The following PRPF4 variants were observed in gnomAD, a reference collection of about 807,000 sequenced individuals.
The protein encoded by PRPF4 is pre-mRNA splicing tri-snRNP complex factor PRPF4, also known as U4/U6 small nuclear ribonucleoprotein Prp4.
Under a neutral mutation model 72.2 loss-of-function variants are expected in PRPF4, and 14 were observed. The ratio of observed to expected loss-of-function variants is 0.19; its 90% CI spans 0.13 to 0.30. The LOEUF (loss-of-function observed/expected upper bound fraction) is 0.30, where lower values mean the gene tolerates loss of function less well. Ranked by LOEUF, PRPF4 falls within the 10% of genes least tolerant of loss-of-function variation. The pLI, the probability that PRPF4 is intolerant of heterozygous loss-of-function variation, is 1.00. For synonymous variants in PRPF4, 225 were observed against 232.2 expected, an observed-to-expected ratio of 0.97 and a Z score of 0.28; for missense variants, 478 against 653.9, an observed-to-expected ratio of 0.73 and a Z score of 2.93.
intron 4 of PRPF4, 43 bp from the exon 5 acceptor site, chr9:113,283,089 A>G (rs781381540): frequency 6.2e-7 from 1 of 1,613,898 alleles, no homozygotes; most frequent in South Asian, 1.1e-5. Context: ...AGAGGAGTAG[A>G]ATGCTTCAGA....
chr9:113,277,403 T>TGC (rs1212929888), intron 2 of PRPF4, among the ~76,000 whole-genome samples: 1 of 152,000 alleles, frequency 6.6e-6, no homozygotes, highest in Admixed American at 6.5e-5. Context: ...TGTGTGTGTG[T>TGC]GTGACAGGGT....
chr9:113,281,155 G>A (rs941328693), intron 3 of PRPF4, among the ~76,000 whole-genome samples: 6 of 152,080 alleles, frequency 3.9e-5, no homozygotes, highest in African/African-American at 9.7e-5. Context: ...TACCGCGCCC[G>A]GCCTTTCTTC....
chr9:113,283,993 G>C (rs183072932), intron 6 of PRPF4, among the ~76,000 whole-genome samples: 1 of 151,358 alleles, frequency 6.6e-6, no homozygotes, highest in Non-Finnish European at 1.5e-5. Context: ...GCTTGAACCC[G>C]GGAGGCGGAG....
At chr9:113,290,044 G>A (rs6478000) in intron 10 of PRPF4, among the ~76,000 whole-genome samples, 55,580 of 151,826 alleles carry the variant, frequency 0.37, 10,522 homozygotes, top group South Asian at 0.53. Context: ...ACATAGTGAA[G>A]CCCCATCTCT....
At position 113,286,717 on chromosome 9, in the gene PRPF4, A is replaced by G. The variant is rs1488196177; in HGVS notation, c.821A>G (p.Asn274Ser). The G allele has an allele frequency of 1.9e-6, 3 of 1,614,208 alleles. No individual in the cohort carries two copies. The highest frequency in any genetic ancestry group is 3.3e-5 in the Admixed American group (2 of 60,028). ...LLHTLRGHNT[N>S]VGAIVFHPKS... is the part of the protein sequence containing the mutation. Reference sequence around the variant, plus strand: ...TACACTCCTTTAGGGCATAACACAAATGTAGGAGCAATTGTATTCCATCCC... The same window carrying G: ...TACACTCCTTTAGGGCATAACACAAGTGTAGGAGCAATTGTATTCCATCCC... Residue 274 changes from asparagine to serine, a missense_variant, in exon 9 of 14, where the codon AAT becomes AGT. Physicochemically the swap from Asn to Ser is conservative, Grantham distance 46. Transcript: ENST00000374198.
intron 3 of PRPF4, 37 bp from the exon 4 acceptor site, chr9:113,282,609 A>G (rs552548910): frequency 1.4e-6 from 2 of 1,453,548 alleles, no homozygotes; most frequent in East Asian, 2.3e-5. Context: ...TATCTCAACC[A>G]TGTTTAAATT....
intron 6 of PRPF4, among the ~76,000 whole-genome samples, chr9:113,284,004 G>A (rs1272851886): frequency 6.7e-6 from 1 of 149,472 alleles, no homozygotes; most frequent in African/African-American, 2.5e-5. Flanking sequence ...GGAGGCGGAG[G>A]TTGCAGTGAG....
chr9:113,288,046 T>C (rs1200152165), intron 9 of PRPF4, 129 bp from the exon 10 acceptor site: 2 of 761,552 alleles, frequency 2.6e-6, no homozygotes, highest in Non-Finnish European at 4.2e-6. Context: ...TGGGCCAAAG[T>C]AGTTTACAAG....
At chr9:113,290,405 T>G in intron 10 of PRPF4, 61 bp from the exon 11 acceptor site, 1 of 1,608,734 alleles carries the variant, frequency 6.2e-7, no homozygotes. Context: ...TAGAATACTT[T>G]ATGTGTTGTA....
rs200951924 is a variant in PRPF4 at position 113,275,761 on chromosome 9, C to G, written c.18C>G (p.Ala6=). The G allele has an allele frequency of 2.7e-5, 44 of 1,612,696 alleles. No individual in the cohort carries two copies. The highest frequency in any genetic ancestry group is 1.7e-5 in the Admixed American group (1 of 59,924). The change falls in exon 1 of 14, where the codon GCC becomes GCG. Residue 6 remains alanine, a synonymous_variant. Transcript: ENST00000374198. MASSR[A]SSTATKTKAP... is the part of the protein sequence containing the mutation. ...AGCCCAGCATGGCTTCCTCGCGAGC[C>G]TCTTCCACGGTACAGAGCCCGGGAT...
chr9:113,278,715 A>G (rs1832187786), intron 2 of PRPF4, among the ~76,000 whole-genome samples: 1 of 152,260 alleles, frequency 6.6e-6, no homozygotes, highest in Admixed American at 6.5e-5. Context: ...TATAGGCACA[A>G]AGTTAATAAA....
At chr9:113,282,515 G>C in intron 3 of PRPF4, 131 bp from the exon 4 acceptor site, 1 of 660,076 alleles carries the variant, frequency 1.5e-6, no homozygotes, top group Non-Finnish European at 2.5e-6. Flanking sequence ...AACAGTGAGA[G>C]AATAGTAAAG....
In PRPF4 at chr9:113,275,722, C is replaced by T. The variant is rs1239346860; in HGVS notation, c.-22C>T. 2 of 1,608,648 alleles carry T rather than the reference C, an allele frequency of 1.2e-6. No individual in the cohort carries two copies. Among genetic ancestry groups the T allele is most frequent in the African/African-American group, 1.3e-5 (1 of 74,526 alleles). On this transcript the variant is annotated 5_prime_UTR_variant, in exon 1 of 14. Coordinates refer to ENST00000374198, the MANE Select transcript of PRPF4 (RefSeq NM_001244926.2). ...AGGGAGTGTTCGGGTTTCGCTGGGG[C>T]CTCGCGGCTCCAGAGCCCAGCATGG...
At chr9:113,288,318 C>T (rs1832510154) in intron 10 of PRPF4, 54 bp downstream of exon 10, 12 of 1,516,826 alleles carry the variant, frequency 7.9e-6, no homozygotes, top group Non-Finnish European at 1.1e-5. Flanking sequence ...TCTTCTTAAC[C>T]CTTTATGGCT....
intron 2 of PRPF4, among the ~76,000 whole-genome samples, chr9:113,277,786 G>A (rs998773237): frequency 2.0e-5 from 3 of 152,150 alleles, no homozygotes; most frequent in Admixed American, 6.5e-5. Flanking sequence ...AGTCTGGCTT[G>A]AGCCCAGGAA....
At chr9:113,278,911 G>A (rs533022697) in intron 2 of PRPF4, 34 bp from the exon 3 acceptor site, 1 of 1,601,932 alleles carries the variant, frequency 6.2e-7, no homozygotes, top group African/African-American at 1.3e-5. Context: ...ATTTGAAGAA[G>A]ATCTGCTGAT....
At chr9:113,280,190 TC>T (rs1832234485) in intron 3 of PRPF4, among the ~76,000 whole-genome samples, 1 of 152,062 alleles carries the variant, frequency 6.6e-6, no homozygotes, top group Non-Finnish European at 1.5e-5. Flanking sequence ...CTTGAACTAC[TC>T]CCTTTCCTTC....
chr9:113,282,920 G>A (rs1832324964), intron 4 of PRPF4, 187 bp downstream of exon 4: 1 of 1,079,680 alleles, frequency 9.3e-7, no homozygotes, highest in Non-Finnish European at 1.3e-6. Flanking sequence ...AGCTAAGTGA[G>A]TTTTCCAGTC....
At chr9:113,285,800 G>C (rs922631754) in intron 7 of PRPF4, among the ~76,000 whole-genome samples, 12 of 152,094 alleles carry the variant, frequency 7.9e-5, no homozygotes, top group Non-Finnish European at 1.5e-4. Flanking sequence ...GGGAGGTTGA[G>C]GCTGCAGTGA....
Sources: gnomAD v4.1 joint callset for allele counts (sites outside exome capture counted in the v4.1 genomes callset) on GRCh38, gnomAD v4.1.1 for gene constraint, MANE v1.5 for transcripts, NCBI Gene and HGNC (gene_info 2026-07-23, HGNC 2026-07-21) for gene names.